The following RANBP17 variants were observed in gnomAD, a reference collection of about 807,000 sequenced individuals.
RANBP17 encodes the protein RAN binding protein 17, also known as ran-binding protein 17.
A neutral mutation model predicts 141.2 loss-of-function variants in RANBP17; 158 were observed. That is an observed-to-expected ratio of 1.12 (90% CI 0.98 to 1.28). The LOEUF is 1.28. Among genes scored for constraint, RANBP17 ranks in the 50% most tolerant of loss-of-function variants. The pLI, the probability that RANBP17 is intolerant of heterozygous loss-of-function variation, is 0.00. For missense variants in RANBP17, 1,438 were observed against 1,290.7 expected (o/e 1.11, Z -1.75); for synonymous variants, 430 against 450.0 (o/e 0.96, Z 0.56).
intron 1 of RANBP17, 134 bp downstream of exon 1, chr5:170,862,185 C>T (rs1766844397): frequency 3.3e-6 from 3 of 907,904 alleles, no homozygotes; most frequent in African/African-American, 3.5e-5. Context: ...GTCCCAGCCC[C>T]TGCCTCTGCC....
Position 171,171,191 on chromosome 5 carries a change from T to C in RANBP17, c.1785-15T>C, listed in dbSNP as rs1463845032. ...AATATCTTACTTATAATTAAAGACT[T>C]TTTTTCATATTTAGTGTTACAAACC... is the stretch of plus-strand genomic sequence containing the variant. On this transcript the variant is annotated splice_polypyrimidine_tract_variant and intron_variant, in intron 15 of 27. Transcript: ENST00000523189. 1.4e-6 allele frequency: 2 copies of C among 1,459,812 alleles called. No individual in the cohort carries two copies. The highest frequency in any genetic ancestry group is 1.9e-6 in the Non-Finnish European group (2 of 1,055,238). 90.4% of individuals were successfully genotyped at this position (1,459,812 alleles called of 1,614,324 possible). A position where few individuals can be genotyped will look rare whatever the true frequency, so the allele number is the denominator to read the frequency against.
chr5:171,240,908 C>T lies in RANBP17; in HGVS notation c.2423-20C>T, dbSNP rs1466613795. On this transcript the variant is annotated intron_variant, in intron 22 of 27. Transcript: ENST00000523189. ...GAATGACATCTACTTATGTCACTTT[C>T]TGCTTTTATCCTGAAACAGGTAATC... is the stretch of plus-strand genomic sequence containing the variant. 2 of 1,552,102 alleles carry T rather than the reference C, an allele frequency of 1.3e-6. No individual in the cohort carries two copies. The highest frequency in any genetic ancestry group is 1.8e-6 in the Non-Finnish European group (2 of 1,125,304).
At chr5:170,915,417 A>C (rs1345115543) in intron 8 of RANBP17, among the ~76,000 whole-genome samples, 1 of 152,120 alleles carries the variant, frequency 6.6e-6, no homozygotes. Context: ...AAATATTGGC[A>C]TTGAGATTGA....
chr5:170,984,447 G>A (rs1384502736), intron 14 of RANBP17, among the ~76,000 whole-genome samples: 4 of 152,014 alleles, frequency 2.6e-5, no homozygotes, highest in East Asian at 1.9e-4. Context: ...GCAATATAGC[G>A]AGACCCTGTC....
intron 14 of RANBP17, among the ~76,000 whole-genome samples, chr5:171,106,129 C>T (rs1007814834): frequency 6.6e-6 from 1 of 152,074 alleles, no homozygotes; most frequent in East Asian, 1.9e-4. Flanking sequence ...GTGAAATAAC[C>T]ACTACGTTTA....
chr5:171,160,321 C>T (rs1759248814), intron 14 of RANBP17, among the ~76,000 whole-genome samples: 1 of 152,148 alleles, frequency 6.6e-6, no homozygotes, highest in South Asian at 2.1e-4. Context: ...ACTACTAAAG[C>T]TACTCACATA....
intron 16 of RANBP17, among the ~76,000 whole-genome samples, chr5:171,176,411 A>G (rs940530495): frequency 1.3e-5 from 2 of 152,178 alleles, no homozygotes; most frequent in Non-Finnish European, 2.9e-5. Flanking sequence ...ATTTAATTCC[A>G]TACTCATCTT....
intron 24 of RANBP17, among the ~76,000 whole-genome samples, chr5:171,246,358 T>G (rs1765218549): frequency 6.6e-6 from 1 of 152,224 alleles, no homozygotes; most frequent in East Asian, 1.9e-4. Flanking sequence ...CCTGTTTGGC[T>G]TTGTTTGGGT....
At chr5:170,936,366 C>T (rs1773881433) in intron 12 of RANBP17, among the ~76,000 whole-genome samples, 1 of 152,186 alleles carries the variant, frequency 6.6e-6, no homozygotes, top group Admixed American at 6.5e-5. Context: ...GTCAGTCTCT[C>T]TGGGAGCTGC....
At chr5:171,271,257 A>G (rs1307406471) in intron 25 of RANBP17, 1 of 215,598 alleles carries the variant, frequency 4.6e-6, no homozygotes, top group East Asian at 6.8e-5. Flanking sequence ...GCTTTTGTAT[A>G]GTGCTCTTCA....
intron 14 of RANBP17, among the ~76,000 whole-genome samples, chr5:171,010,345 C>T (rs895397595): frequency 9.2e-5 from 14 of 152,136 alleles, no homozygotes; most frequent in African/African-American, 2.7e-4. Flanking sequence ...AAGATCTTCA[C>T]GATAAAACCA....
At chr5:170,954,765 A>G (rs957484132) in intron 13 of RANBP17, among the ~76,000 whole-genome samples, 5 of 152,160 alleles carry the variant, frequency 3.3e-5, no homozygotes, top group Non-Finnish European at 1.5e-5. Context: ...GTTCGTTCCT[A>G]AATGCAGAAT....
rs375926723 is a variant in RANBP17 at position 171,191,494 on chromosome 5, T to C, written c.2038+8064T>C. On this transcript the variant is annotated intron_variant, in intron 18 of 27. Transcript: ENST00000523189. Reference sequence around the variant, plus strand: ...ACGAGGTAGGAGATCGAGACCATCCTGGCTAACATGGTGAAACCCTGTCTC... The same window carrying C: ...ACGAGGTAGGAGATCGAGACCATCCCGGCTAACATGGTGAAACCCTGTCTC... Among the ~76,000 whole-genome samples the C allele has an allele frequency of 1.8e-4, 28 of 152,278 alleles. No individual in the cohort carries two copies. The South Asian group carries it at 5.6e-3, about 30-fold the overall frequency.
intron 3 of RANBP17, among the ~76,000 whole-genome samples, chr5:170,886,344 G>A (rs189441553): frequency 3.3e-5 from 5 of 152,088 alleles, no homozygotes; most frequent in Non-Finnish European, 7.3e-5. Context: ...CCAGAAAAAG[G>A]TTCTCTTCTA....
intron 14 of RANBP17, among the ~76,000 whole-genome samples, chr5:170,984,439 A>AT (rs1777982484): frequency 6.6e-6 from 1 of 152,148 alleles, no homozygotes; most frequent in Non-Finnish European, 1.5e-5. Flanking sequence ...CAGCCTGTGC[A>AT]ATATAGCGAG....
intron 14 of RANBP17, among the ~76,000 whole-genome samples, chr5:171,019,628 G>C (rs963484851): frequency 1.1e-4 from 17 of 151,790 alleles, no homozygotes; most frequent in African/African-American, 4.1e-4. Flanking sequence ...TTTTTATTGT[G>C]TCTATTTGAT....
chr5:171,094,109 A>G (rs967075095), intron 14 of RANBP17, among the ~76,000 whole-genome samples: 5 of 152,194 alleles, frequency 3.3e-5, no homozygotes, highest in African/African-American at 1.2e-4. Context: ...ATGCCTACCT[A>G]AAAAGGAGAC....
At chr5:170,988,670 T>A (rs1005621199) in intron 14 of RANBP17, among the ~76,000 whole-genome samples, 2 of 151,642 alleles carry the variant, frequency 1.3e-5, no homozygotes, top group Non-Finnish European at 3.0e-5. Context: ...TGATAAAAGA[T>A]TTTCATAATT....
intron 21 of RANBP17, among the ~76,000 whole-genome samples, chr5:171,216,733 A>G (rs1046005375): frequency 6.6e-6 from 1 of 152,186 alleles, no homozygotes; most frequent in African/African-American, 2.4e-5. Context: ...GTATATAGGA[A>G]TGCTTGTGAT....
Sources: allele counts gnomAD v4.1 joint callset (sites outside exome capture counted in the v4.1 genomes callset), GRCh38; gene constraint gnomAD v4.1.1; transcripts MANE v1.5; gene names NCBI Gene and HGNC (gene_info 2026-07-23, HGNC 2026-07-21).